ADGRL3: variants seen among roughly 807,000 people sequenced by gnomAD.
ADGRL3 encodes the protein calcium-independent alpha-latrotoxin receptor 3.
Under a neutral mutation model 153.5 loss-of-function variants are expected in ADGRL3, and 62 were observed. The ratio of observed to expected loss-of-function variants is 0.40; its 90% CI spans 0.33 to 0.50. The LOEUF (loss-of-function observed/expected upper bound fraction) is 0.50, where lower values mean the gene tolerates loss of function less well. ADGRL3 is among the 20% of genes least tolerant of loss of function. The pLI is 0.47. For missense variants in ADGRL3, 1,641 were observed against 1,859.4 expected (o/e 0.88, Z 2.16); for synonymous variants, 710 against 672.5 (o/e 1.06, Z -0.86).
chr4:61,696,180 T>C (rs973555656), intron 6 of ADGRL3, among the ~76,000 whole-genome samples: 2 of 152,224 alleles, frequency 1.3e-5, no homozygotes, highest in Non-Finnish European at 2.9e-5. Context: ...CTTGACTGTT[T>C]GGTGCTAGAG....
rs867851537 is a variant in ADGRL3 at position 62,070,328 on chromosome 4, G to A, written c.4052G>A (p.Arg1351His). 5.1e-6 allele frequency: 8 copies of A among 1,553,506 alleles called. No homozygotes were observed. The highest frequency in any genetic ancestry group is 3.3e-4 in the Middle Eastern group (2 of 5,994). Reference protein sequence around the residue: ...YIPSYLNNHERSSEQNRNLMN... With the variant: ...YIPSYLNNHEHSSEQNRNLMN... ...CCTTCTTACCTGAACAACCATGAGC[G>A]CTCCAGTGAACAGAACAGGAATCTG... Residue 1351 changes from arginine to histidine, a missense_variant, in exon 27 of 27, where the codon CGC becomes CAC. Physicochemically the swap from Arg to His is conservative, Grantham distance 29 (BLOSUM62 0). This residue lies in a region of ADGRL3 where 517 missense variants were observed against 555.0 expected (regional missense o/e 0.93). Coordinates refer to ENST00000683033, the MANE Select transcript of ADGRL3 (RefSeq NM_001387552.1).
chr4:61,243,509 C>T (rs556203269), intron 1 of ADGRL3, among the ~76,000 whole-genome samples: 19 of 152,056 alleles, frequency 1.2e-4, no homozygotes, highest in Non-Finnish European at 2.1e-4. Flanking sequence ...TTTTTGTCTT[C>T]GAATTACAGG....
At chr4:61,964,237 G>A (rs983372833) in intron 17 of ADGRL3, among the ~76,000 whole-genome samples, 1 of 152,086 alleles carries the variant, frequency 6.6e-6, no homozygotes, top group African/African-American at 2.4e-5. Flanking sequence ...CTAACAGTTT[G>A]TCAATTATTT....
intron 3 of ADGRL3, among the ~76,000 whole-genome samples, chr4:61,512,085 G>A (rs574466654): frequency 2.7e-4 from 41 of 151,716 alleles, no homozygotes; most frequent in African/African-American, 9.7e-4. Flanking sequence ...TGAAAATAGT[G>A]GTCTCTTCTC....
rs1008233483 is a variant in ADGRL3 at position 61,474,911 on chromosome 4, A to G, written c.-173-22210A>G. The stretch of plus-strand genomic sequence containing the variant: ...TTTTGAAGTTGCCGGTTAAATTAAT[A>G]TAAATTACTGTCCCAGGCTTATTAA... On this transcript the variant is annotated intron_variant, in intron 2 of 26. Transcript: ENST00000683033. Among the ~76,000 whole-genome samples, 8 of 152,300 alleles carry G rather than the reference A, an allele frequency of 5.3e-5. 1 individual carries two copies. Among genetic ancestry groups the G allele is most frequent in the Admixed American group, 4.6e-4 (7 of 15,304 alleles).
chr4:61,566,362 C>A (rs952807920), intron 4 of ADGRL3, among the ~76,000 whole-genome samples: 1 of 152,084 alleles, frequency 6.6e-6, no homozygotes, highest in African/African-American at 2.4e-5. Context: ...AACTTAATCA[C>A]TTCTGTAAAG....
chr4:61,353,600 A>AT (rs34199193), intron 1 of ADGRL3, among the ~76,000 whole-genome samples: 63,239 of 118,828 alleles, frequency 0.53, 18,115 homozygotes, highest in East Asian at 0.74. Context: ...TTTTCTTTCA[A>AT]TTTTTTTTTT....
intron 8 of ADGRL3, among the ~76,000 whole-genome samples, chr4:61,772,017 T>C (rs1281613740): frequency 6.6e-6 from 1 of 152,210 alleles, no homozygotes; most frequent in Non-Finnish European, 1.5e-5. Flanking sequence ...TACCTACAGA[T>C]GCAGGCCTGA....
intron 21 of ADGRL3, among the ~76,000 whole-genome samples, chr4:62,013,905 T>TG (rs942770096): frequency 3.3e-5 from 5 of 151,548 alleles, no homozygotes; most frequent in Middle Eastern, 3.4e-3. Flanking sequence ...AAAATTTTTT[T>TG]TTTGTTTGTT....
intron 4 of ADGRL3, among the ~76,000 whole-genome samples, chr4:61,572,610 C>T (rs1372501145): frequency 6.6e-6 from 1 of 152,012 alleles, no homozygotes; most frequent in Non-Finnish European, 1.5e-5. Flanking sequence ...AATACATTTC[C>T]TAATCCTTAG....
intron 2 of ADGRL3, among the ~76,000 whole-genome samples, chr4:61,436,407 G>C (rs534067308): frequency 6.6e-6 from 1 of 152,096 alleles, no homozygotes; most frequent in African/African-American, 2.4e-5. Context: ...CATGCATATG[G>C]ATTTATACCA....
At chr4:61,629,780 G>A (rs2093049314) in intron 5 of ADGRL3, among the ~76,000 whole-genome samples, 1 of 120,324 alleles carries the variant, frequency 8.3e-6, no homozygotes, top group South Asian at 3.0e-4. Context: ...CAAGTCATTT[G>A]GATTCATCCA....
intron 24 of ADGRL3, among the ~76,000 whole-genome samples, chr4:62,040,482 G>A (rs1319429299): frequency 6.6e-6 from 1 of 151,690 alleles, no homozygotes; most frequent in Non-Finnish European, 1.5e-5. Flanking sequence ...ACTAATTATG[G>A]CCACCCATAA....
At chr4:61,231,865 G>A (rs1438641641) in intron 1 of ADGRL3, among the ~76,000 whole-genome samples, 2 of 151,978 alleles carry the variant, frequency 1.3e-5, no homozygotes, top group African/African-American at 4.8e-5. Flanking sequence ...CTTGGGAGGA[G>A]TGTATTTCAG....
chr4:61,350,337 A>G (rs1198937511), intron 1 of ADGRL3, among the ~76,000 whole-genome samples: 1 of 135,338 alleles, frequency 7.4e-6, no homozygotes, highest in Non-Finnish European at 1.5e-5. Context: ...AAACATTCTG[A>G]TGGAGGTTTT....
intron 3 of ADGRL3, among the ~76,000 whole-genome samples, chr4:61,504,818 A>G (rs1353055619): frequency 6.6e-6 from 1 of 152,142 alleles, no homozygotes; most frequent in Non-Finnish European, 1.5e-5. Flanking sequence ...GATAAATTTC[A>G]TTGTGTATGT....
intron 13 of ADGRL3, among the ~76,000 whole-genome samples, chr4:61,919,800 G>A (rs751963530): frequency 6.6e-6 from 1 of 152,108 alleles, no homozygotes; most frequent in Non-Finnish European, 1.5e-5. Context: ...TTCCCCTGGC[G>A]AATGTGTCAG....
At chr4:61,700,707 T>G (rs2095741648) in intron 6 of ADGRL3, among the ~76,000 whole-genome samples, 1 of 152,130 alleles carries the variant, frequency 6.6e-6, no homozygotes, top group Non-Finnish European at 1.5e-5. Context: ...ATATCATAAT[T>G]TCCAAAATGA....
chr4:61,909,602 G>T lies in ADGRL3; in HGVS notation c.1930G>T (p.Ala644Ser). ...ETAANIAREL[A>S]EQTRNHLNAG... ...AGCTGCCAACATTGCTAGAGAGCTGGCTGAACAGACAAGAAATCACTTGAA... is the reference window on the plus strand; with the variant it reads ...AGCTGCCAACATTGCTAGAGAGCTGTCTGAACAGACAAGAAATCACTTGAA... Residue 644 changes from alanine (A) to serine (S), a missense_variant, in exon 12 of 27, where the codon GCT (alanine) becomes TCT (serine). This residue lies in a region of ADGRL3 where 734 missense variants were observed against 797.0 expected (regional missense o/e 0.92). Transcript: ENST00000683033. 6.2e-7 allele frequency: 1 copy of T among 1,613,468 alleles called. No homozygotes were observed. The highest frequency in any genetic ancestry group is 8.5e-7 in the Non-Finnish European group (1 of 1,179,692).
Sources: gnomAD v4.1 joint callset for allele counts (sites outside exome capture counted in the v4.1 genomes callset) on GRCh38, gnomAD v4.1.1 for gene constraint, gnomAD v4.1.1 regional missense constraint, MANE v1.5 for transcripts, NCBI Gene and HGNC (gene_info 2026-07-23, HGNC 2026-07-21) for gene names.